The following PPP1R12C variants were observed in gnomAD, a reference collection of about 807,000 sequenced individuals.
PPP1R12C encodes the protein protein phosphatase 1 regulatory subunit 12C.
In PPP1R12C, 48 loss-of-function variants were observed where a neutral mutation model predicts 95.6. The observed-to-expected ratio is 0.50, with a 90% CI of 0.40 to 0.64. The LOEUF (loss-of-function observed/expected upper bound fraction) is 0.64. Ranked by LOEUF, PPP1R12C falls within the 30% of genes least tolerant of loss-of-function variation. PPP1R12C has a pLI of 0.00. For synonymous variants in PPP1R12C, 480 were observed against 460.8 expected (o/e 1.04, Z -0.53); for missense variants, 1,057 against 1,083.3 (o/e 0.98, Z 0.34).
rs2084910091 is a variant in PPP1R12C at position 55,096,163 on chromosome 19, A to G, written c.1041T>C (p.Arg347=). The G allele has an allele frequency of 1.2e-6, 2 of 1,605,358 alleles. No individual in the cohort carries two copies. Among genetic ancestry groups the G allele is most frequent in the African/African-American group, 2.7e-5 (2 of 74,426 alleles). Residue 347 remains arginine, a synonymous_variant, in exon 8 of 22, where the codon CGT becomes CGC. Transcript: ENST00000263433. The part of the protein sequence containing the change: ...SSKHRRSSVC[R]LSSREKISLQ... ...GGGAAATCTTCTCGCGACTGCTCAGACGACACACAGAGCTCCTGTTGGGGA... is the reference window on the plus strand; with the variant it reads ...GGGAAATCTTCTCGCGACTGCTCAGGCGACACACAGAGCTCCTGTTGGGGA...
At chr19:55,096,580 C>A (rs1336187797) in intron 6 of PPP1R12C, among the ~76,000 whole-genome samples, 2 of 152,070 alleles carry the variant, frequency 1.3e-5, no homozygotes, top group African/African-American at 4.8e-5. Flanking sequence ...CATGAGAAGC[C>A]TCCAGTCTCA....
At chr19:55,105,575 C>T (rs190489751) in intron 3 of PPP1R12C, among the ~76,000 whole-genome samples, 1 of 152,246 alleles carries the variant, frequency 6.6e-6, no homozygotes, top group Admixed American at 6.5e-5. Context: ...TTTAGGATAC[C>T]TCCAATATTA....
intron 6 of PPP1R12C, among the ~76,000 whole-genome samples, 199 bp from the exon 7 acceptor site, chr19:55,096,534 T>C (rs1325029387): frequency 1.3e-5 from 2 of 152,072 alleles, no homozygotes; most frequent in Non-Finnish European, 2.9e-5. Context: ...AGCTGCCACG[T>C]GCAGGCACTG....
intron 6 of PPP1R12C, chr19:55,097,182 G>A (rs1195118026): frequency 2.4e-5 from 5 of 206,988 alleles, no homozygotes; most frequent in Non-Finnish European, 4.3e-5. Flanking sequence ...GTTCACCACC[G>A]TCTTCACCCC....
In PPP1R12C at chr19:55,093,207, C is replaced by T. The variant is rs75554203; in HGVS notation, c.1710G>A (p.Glu570=). The T allele has an allele frequency of 4.4e-3, 7,080 of 1,613,522 alleles. 278 individuals are homozygous for T. The African/African-American group carries it at 0.081, about 19-fold the overall frequency. ...TQGVTLTDLK[E]AEKAAGKAPE... Reference sequence around the variant, plus strand: ...GGGCCTTCCCTGCAGCCTTCTCTGCCTCCTTCAGGTCTGTAAGAGTCACAC... The same window carrying T: ...GGGCCTTCCCTGCAGCCTTCTCTGCTTCCTTCAGGTCTGTAAGAGTCACAC... Residue 570 remains glutamate (E), a synonymous_variant, in exon 14 of 22, where the codon GAG becomes GAA. Transcript: ENST00000263433.
In PPP1R12C at chr19:55,112,868, G is replaced by A. The variant is rs925273585; in HGVS notation, c.322-73C>T. The A allele has an allele frequency of 4.4e-6, 7 of 1,588,260 alleles. No homozygotes were observed. In the Admixed American group the frequency reaches 8.5e-5, roughly 19 times the overall value. On this transcript the variant is annotated intron_variant, in intron 1 of 21. Transcript: ENST00000263433. ...TCCCAGCAAGTCGGGACTCCAGAGG[G>A]AGCCACGAAAACAGATCCAGGGACA... is the stretch of plus-strand genomic sequence containing the variant.
At chr19:55,092,757 A>G (rs745660394) in intron 16 of PPP1R12C, 26 bp downstream of exon 16, 1 of 1,533,554 alleles carries the variant, frequency 6.5e-7, no homozygotes, top group South Asian at 1.2e-5. Context: ...CCTCTGCACC[A>G]GCTCGGCCCC....
chr19:55,116,683 C>G (rs2085157334), intron 1 of PPP1R12C, among the ~76,000 whole-genome samples: 1 of 152,142 alleles, frequency 6.6e-6, no homozygotes, highest in South Asian at 2.1e-4. Context: ...AGAGTTCCGG[C>G]GGCACAGCAA....
intron 15 of PPP1R12C, 71 bp from the exon 16 acceptor site, chr19:55,092,939 GC>G (rs2084864227): frequency 2.5e-6 from 4 of 1,581,450 alleles, no homozygotes; most frequent in Admixed American, 3.7e-5. Flanking sequence ...CCCGGGTCAA[GC>G]CCCCAGGAAA....
chr19:55,095,699 C>A, intron 9 of PPP1R12C, 96 bp from the exon 10 acceptor site: 1 of 1,502,826 alleles, frequency 6.7e-7, no homozygotes. Flanking sequence ...CTACAATTCC[C>A]ATCAGCCCCC....
chr19:55,112,346 A>G, intron 3 of PPP1R12C, 121 bp downstream of exon 3: 1 of 879,110 alleles, frequency 1.1e-6, no homozygotes, highest in Non-Finnish European at 1.7e-6. Context: ...TGAGGCACAA[A>G]GAAAGACAAT....
rs372930907 is a variant in PPP1R12C, at chr19:55,111,013, G to C, written c.571+1454C>G. On this transcript the variant is annotated intron_variant, in intron 3 of 21. Transcript: ENST00000263433. ...TACCTGGGAAGAGATCGCAAGGGAG[G>C]GACAGAGAGAAGGAACACAAATCTA... Among the ~76,000 whole-genome samples, 16 of 151,960 alleles carry C rather than the reference G, an allele frequency of 1.1e-4. No homozygotes were observed. In the East Asian group the frequency reaches 1.4e-3, roughly 13 times the overall value.
intron 6 of PPP1R12C, among the ~76,000 whole-genome samples, chr19:55,097,841 G>A (rs1485868830): frequency 6.6e-6 from 1 of 151,996 alleles, no homozygotes; most frequent in Non-Finnish European, 1.5e-5. Context: ...AGCTGACCCT[G>A]CCCCACCTAT....
rs1048934703 is a variant in PPP1R12C, at chr19:55,091,688, G to C, written c.2224C>G (p.Leu742Val). 1 of 1,612,338 alleles carries C rather than the reference G, an allele frequency of 6.2e-7. No homozygotes were observed. Among genetic ancestry groups the C allele is most frequent in the Non-Finnish European group, 8.5e-7 (1 of 1,179,402 alleles). ...LELERFERRA[L>V]ERKAAELEEE... The stretch of plus-strand genomic sequence containing the variant: ...TCCAGCTCTGCGGCCTTGCGTTCCA[G>C]GGCCCTGCGCTCCTGGAATGAACAG... Residue 742 changes from leucine to valine, a missense_variant, in exon 21 of 22, where the codon CTG becomes GTG. Transcript: ENST00000263433.
chr19:55,110,348 G>T (rs971929868), intron 3 of PPP1R12C, among the ~76,000 whole-genome samples: 2 of 145,424 alleles, frequency 1.4e-5, no homozygotes, highest in African/African-American at 2.7e-5. Context: ...TAGCATCAAG[G>T]TTGGTGCGGT....
chr19:55,099,203 G>A (rs923433871), intron 4 of PPP1R12C, 108 bp from the exon 5 acceptor site: 25 of 1,291,264 alleles, frequency 1.9e-5, no homozygotes, highest in Admixed American at 1.2e-4. Flanking sequence ...AGACTGAAAC[G>A]TCCCTGGACA....
rs1167723935 is a variant in PPP1R12C at position 55,091,676 on chromosome 19, C to T, written c.2236G>A (p.Ala746Thr). 1 of 1,613,118 alleles carries T rather than the reference C, an allele frequency of 6.2e-7. No individual in the cohort carries two copies. The highest frequency in any genetic ancestry group is 1.1e-5 in the South Asian group (1 of 91,056). Residue 746 changes from alanine to threonine, a missense_variant, in exon 21 of 22, where the codon GCC becomes ACC. Ala to Thr is a moderately conservative substitution (Grantham distance 58). Transcript: ENST00000263433. ...RFERRALERK[A>T]AELEEELKAL... ...TTCAGCTCCTCCTCCAGCTCTGCGGCCTTGCGTTCCAGGGCCCTGCGCTCC... is the reference window on the plus strand; with the variant it reads ...TTCAGCTCCTCCTCCAGCTCTGCGGTCTTGCGTTCCAGGGCCCTGCGCTCC...
In PPP1R12C at chr19:55,093,075, T is replaced by C. The variant is rs942279716; in HGVS notation, c.1766A>G (p.Asp589Gly). Residue 589 changes from aspartate to glycine, a missense_variant and splice_region_variant, in exon 15 of 22, where the codon GAC becomes GGC. By Grantham distance (94) the Asp-to-Gly change is moderately conservative (BLOSUM62 -1). Around this residue, in one of 5 missense-constraint regions of PPP1R12C, gnomAD observed 347 missense variants for 307.9 expected, o/e 1.13. Transcript: ENST00000263433. ...AGGGACGCGGGGCCTTCGGGAAGGG[T>C]CCTGTCGGGAGGGGGAGGCGAGTCA... The part of the protein sequence containing the change: ...PESEKPAQSL[D>G]PSRRPRVPGV... 1.2e-6 allele frequency: 2 copies of C among 1,606,870 alleles called. No homozygotes were observed. Among genetic ancestry groups the C allele is most frequent in the South Asian group, 2.2e-5 (2 of 90,470 alleles).
intron 10 of PPP1R12C, 38 bp downstream of exon 10, chr19:55,095,407 A>AGGGGCC (rs758082424): frequency 1.9e-6 from 3 of 1,564,910 alleles, no homozygotes; most frequent in African/African-American, 1.4e-5. Context: ...TCGACTGGGC[A>AGGGGCC]GGGGCCTGGG....
Sources: gnomAD v4.1 joint callset for allele counts (sites outside exome capture counted in the v4.1 genomes callset) on GRCh38, gnomAD v4.1.1 for gene constraint, gnomAD v4.1.1 regional missense constraint, MANE v1.5 for transcripts, NCBI Gene and HGNC (gene_info 2026-07-23, HGNC 2026-07-21) for gene names.